The following VRK2 variants were observed in gnomAD, a reference collection of about 807,000 sequenced individuals.
VRK2 encodes serine/threonine-protein kinase VRK2.
VRK2 carries 60 observed loss-of-function variants against 57.6 expected under a neutral mutation model. The ratio of observed to expected loss-of-function variants is 1.04; its 90% CI spans 0.85 to 1.29. The LOEUF (loss-of-function observed/expected upper bound fraction) is 1.29. VRK2 is among the 50% of genes most tolerant of loss of function. VRK2 has a pLI of 0.00. For missense variants in VRK2, 705 were observed against 588.1 expected, an observed-to-expected ratio of 1.20 and a Z score of -2.06; for synonymous variants, 231 against 199.2, an observed-to-expected ratio of 1.16 and a Z score of -1.35.
At chr2:58,016,666 G>C (rs1438219983) in intron 1 of VRK2, among the ~76,000 whole-genome samples, 1 of 152,116 alleles carries the variant, frequency 6.6e-6, no homozygotes, top group African/African-American at 2.4e-5. Context: ...CCATGTTTTA[G>C]TTTTAGAACA....
intron 12 of VRK2, chr2:58,147,060 A>C (rs1472773080): frequency 4.3e-6 from 2 of 460,466 alleles, no homozygotes; most frequent in Non-Finnish European, 4.3e-6. Flanking sequence ...TGATTTATAC[A>C]CCATCATTTC....
At chr2:58,097,243 TAA>T (rs1212483346) in intron 7 of VRK2, among the ~76,000 whole-genome samples, 1 of 152,144 alleles carries the variant, frequency 6.6e-6, no homozygotes, top group East Asian at 1.9e-4. Context: ...TGTTTTGTAC[TAA>T]GAGTGGTGTT....
intron 7 of VRK2, among the ~76,000 whole-genome samples, chr2:58,116,027 CTT>C (rs1297443509): frequency 6.6e-6 from 1 of 152,164 alleles, no homozygotes; most frequent in Non-Finnish European, 1.5e-5. Flanking sequence ...TCTGAACTAA[CTT>C]TTAAGCCTTG....
chr2:58,090,341 A>G (rs1045471424), intron 7 of VRK2, among the ~76,000 whole-genome samples: 7 of 148,914 alleles, frequency 4.7e-5, no homozygotes, highest in Non-Finnish European at 1.0e-4. Context: ...TGTTGCAGTG[A>G]GCTGAGATGG....
At chr2:57,999,535 A>G (rs1673026545) in intron 1 of VRK2, among the ~76,000 whole-genome samples, 1 of 152,192 alleles carries the variant, frequency 6.6e-6, no homozygotes, top group South Asian at 2.1e-4. Context: ...GATAATTCAC[A>G]GCTTTATCTT....
upstream of VRK2, among the ~76,000 whole-genome samples, chr2:58,044,023 T>C (rs1674572258): frequency 6.6e-6 from 1 of 152,258 alleles, no homozygotes; most frequent in Admixed American, 6.5e-5. Flanking sequence ...TGCTAGGTTT[T>C]CTCTAAAAAG....
intron 1 of VRK2, among the ~76,000 whole-genome samples, chr2:57,988,684 A>C (rs1436975958): frequency 2.6e-5 from 4 of 152,188 alleles, no homozygotes; most frequent in Non-Finnish European, 4.4e-5. Flanking sequence ...ACTTTGAGAC[A>C]CAGACCGATA....
At chr2:58,120,629 T>C (rs1260244102) in intron 7 of VRK2, among the ~76,000 whole-genome samples, 1 of 152,132 alleles carries the variant, frequency 6.6e-6, no homozygotes, top group Non-Finnish European at 1.5e-5. Flanking sequence ...AACTTGACAG[T>C]CTTCTTCCTG....
rs148928501 is a variant in VRK2 at position 58,136,594 on chromosome 2, A to C, written c.856+1395A>C. On this transcript the variant is annotated intron_variant, in intron 10 of 12. Coordinates refer to ENST00000340157, the MANE Select transcript of VRK2 (RefSeq NM_006296.7). ...GAGACAGGGTTTCACCATATTGGCCAGGCCTGGTCTCAAACTCCTGACCTC... is the reference window on the plus strand; with the variant it reads ...GAGACAGGGTTTCACCATATTGGCCCGGCCTGGTCTCAAACTCCTGACCTC... 2.3e-3 allele frequency among the ~76,000 whole-genome samples: 344 copies of C among 151,678 alleles called. 1 individual carries two copies. Among genetic ancestry groups the C allele is most frequent in the African/African-American group, 8.0e-3 (332 of 41,348 alleles).
At chr2:58,149,456 T>C (rs13418777) in intron 12 of VRK2, among the ~76,000 whole-genome samples, 2,363 of 151,820 alleles carry the variant, frequency 0.016, 63 homozygotes, top group African/African-American at 0.053. Flanking sequence ...TCTTAGGACT[T>C]TCTACATAGT....
intron 1 of VRK2, among the ~76,000 whole-genome samples, chr2:57,995,332 C>A (rs950816894): frequency 2.8e-4 from 43 of 152,278 alleles, no homozygotes; most frequent in African/African-American, 1.0e-3. Flanking sequence ...AATATCACCA[C>A]CAATCTCAAT....
chr2:57,990,330 T>C (rs142026597), intron 1 of VRK2, among the ~76,000 whole-genome samples: 3 of 152,322 alleles, frequency 2.0e-5, no homozygotes, highest in South Asian at 4.1e-4. Context: ...CTTTATACAG[T>C]TCCCCTTAGA....
intron 3 of VRK2, among the ~76,000 whole-genome samples, chr2:58,034,285 G>C (rs1674206736): frequency 6.6e-6 from 1 of 151,734 alleles, no homozygotes. Context: ...GTTGTTTTGG[G>C]GCCTTAGCAA....
chr2:58,127,036 T>C (rs1678460350), intron 8 of VRK2, among the ~76,000 whole-genome samples: 1 of 152,102 alleles, frequency 6.6e-6, no homozygotes, highest in Admixed American at 6.5e-5. Context: ...GTAATACCTA[T>C]CTTAATTTGA....
At chr2:58,073,682 A>G (rs1177225051) in intron 2 of VRK2, among the ~76,000 whole-genome samples, 1 of 139,236 alleles carries the variant, frequency 7.2e-6, no homozygotes, top group African/African-American at 2.7e-5. Flanking sequence ...TTATATTTAT[A>G]TAAAAGGGAA....
intron 8 of VRK2, among the ~76,000 whole-genome samples, chr2:58,127,884 C>T (rs1678604384): frequency 6.6e-6 from 1 of 152,114 alleles, no homozygotes; most frequent in Non-Finnish European, 1.5e-5. Context: ...GGAGATAAAT[C>T]TTGGAATTAA....
At chr2:58,067,102 C>T (rs555677111) in intron 2 of VRK2, among the ~76,000 whole-genome samples, 2 of 152,294 alleles carry the variant, frequency 1.3e-5, no homozygotes, top group South Asian at 2.1e-4. Context: ...GCTTCCTGCT[C>T]TTGAAGATTG....
At chr2:57,963,925 T>C (rs1195725258) in intron 1 of VRK2, among the ~76,000 whole-genome samples, 1 of 152,238 alleles carries the variant, frequency 6.6e-6, no homozygotes, top group Non-Finnish European at 1.5e-5. Context: ...TAGTCTTTAG[T>C]GCTCCAGGAA....
At chr2:58,021,103 G>C (rs1673741187) in intron 1 of VRK2, among the ~76,000 whole-genome samples, 1 of 152,166 alleles carries the variant, frequency 6.6e-6, no homozygotes. Context: ...TTTTGGAAGA[G>C]CTAAACAGCT....
Sources: allele counts gnomAD v4.1 joint callset (sites outside exome capture counted in the v4.1 genomes callset), GRCh38; gene constraint gnomAD v4.1.1; transcripts MANE v1.5; gene names NCBI Gene and HGNC (gene_info 2026-07-23, HGNC 2026-07-21).